Variants in LRRC1 observed in about 807,000 individuals in gnomAD.
The protein encoded by LRRC1 is leucine-rich repeat-containing protein 1.
Under a neutral mutation model 69.9 loss-of-function variants are expected in LRRC1, and 28 were observed. The observed-to-expected ratio is 0.40, with a 90% CI of 0.30 to 0.55. LRRC1 has a LOEUF of 0.55. Among genes scored for constraint, LRRC1 ranks in the 20% least tolerant of loss-of-function variants. The probability of loss-of-function intolerance (pLI) is 0.47; values close to 1 mark genes in which losing one functional copy is unlikely to be tolerated. For missense variants in LRRC1, 498 were observed against 609.0 expected (o/e 0.82, Z 1.92); for synonymous variants, 236 against 240.2 (o/e 0.98, Z 0.16).
intron 2 of LRRC1, among the ~76,000 whole-genome samples, chr6:53,852,466 T>C (rs1235120084): frequency 6.6e-6 from 1 of 152,170 alleles, no homozygotes; most frequent in Non-Finnish European, 1.5e-5. Context: ...ATGCCAGCCA[T>C]TGTCCTGCTT....
At chr6:53,837,164 ATTCT>A (rs1409347418) in intron 1 of LRRC1, among the ~76,000 whole-genome samples, 1 of 151,052 alleles carries the variant, frequency 6.6e-6, no homozygotes, top group Non-Finnish European at 1.5e-5. Context: ...ATTATAAATA[ATTCT>A]TTCAAGCACA....
rs1275223748 is a variant in LRRC1 at position 53,795,341 on chromosome 6, G to A, written c.85G>A (p.Glu29Lys). 6.2e-7 allele frequency: 1 copy of A among 1,613,710 alleles called. No individual in the cohort carries two copies. The highest frequency in any genetic ancestry group is 8.5e-7 in the Non-Finnish European group (1 of 1,179,950). Reference sequence around the variant, plus strand: ...CCACTGCTCGCTGGTCTACGTCCCCGAGGAGATCTACCGCTATGCCCGGAG... The same window carrying A: ...CCACTGCTCGCTGGTCTACGTCCCCAAGGAGATCTACCGCTATGCCCGGAG... ...KRHCSLVYVP[E>K]EIYRYARSLE... The change falls in exon 1 of 14, where the codon GAG (glutamate) becomes AAG (lysine). Residue 29 changes from glutamate to lysine, a missense_variant. By Grantham distance (56) the Glu-to-Lys change is moderately conservative (BLOSUM62 1). Around this residue, in one of 3 missense-constraint regions of LRRC1, gnomAD observed 70 missense variants for 62.1 expected, o/e 1.13. Transcript: ENST00000370888.
At chr6:53,830,882 A>G (rs1366601577) in intron 1 of LRRC1, among the ~76,000 whole-genome samples, 2 of 150,182 alleles carry the variant, frequency 1.3e-5, no homozygotes, top group Non-Finnish European at 3.0e-5. Context: ...ATGTTGGTGC[A>G]AAAGTAATTA....
At chr6:53,873,829 C>T (rs556803736) in intron 2 of LRRC1, among the ~76,000 whole-genome samples, 34 of 152,204 alleles carry the variant, frequency 2.2e-4, no homozygotes, top group African/African-American at 7.0e-4. Flanking sequence ...CTAGATCTTA[C>T]GAAAAAAGCT....
chr6:53,850,575 A>G (rs1467229140), intron 2 of LRRC1, among the ~76,000 whole-genome samples: 3 of 152,280 alleles, frequency 2.0e-5, no homozygotes, highest in Non-Finnish European at 4.4e-5. Context: ...ACAAAGCTAT[A>G]TGAATTGTCA....
At chr6:53,897,476 G>A (rs1767914460) in intron 7 of LRRC1, 117 bp downstream of exon 7, 5 of 659,716 alleles carry the variant, frequency 7.6e-6, no homozygotes, top group South Asian at 2.0e-5. Flanking sequence ...CAAAAACATT[G>A]ATTGAAAAGG....
At chr6:53,864,937 A>G (rs1337556205) in intron 2 of LRRC1, among the ~76,000 whole-genome samples, 2 of 152,092 alleles carry the variant, frequency 1.3e-5, no homozygotes, top group African/African-American at 4.8e-5. Context: ...TTTTCATTGG[A>G]AATAGAAATA....
At chr6:53,808,753 C>G (rs937120743) in intron 1 of LRRC1, among the ~76,000 whole-genome samples, 2 of 152,044 alleles carry the variant, frequency 1.3e-5, no homozygotes, top group African/African-American at 4.8e-5. Context: ...CCAAAAGCCA[C>G]CTGATGAGCC....
At chr6:53,844,207 A>G (rs930066286) in intron 2 of LRRC1, among the ~76,000 whole-genome samples, 3 of 151,958 alleles carry the variant, frequency 2.0e-5, no homozygotes, top group African/African-American at 7.2e-5. Context: ...CCTAGCAGTT[A>G]CCTAAGTTAT....
chr6:53,883,997 T>C (rs1247492244), intron 4 of LRRC1: 2 of 717,894 alleles, frequency 2.8e-6, no homozygotes, highest in African/African-American at 3.5e-5. Flanking sequence ...AGTTGGTGTT[T>C]TTCTGAAATG....
chr6:53,878,110 TATA>T lies in LRRC1; in HGVS notation c.278-878_278-876del, dbSNP rs1288277246. ...GAGCTTGTGCAGGAAAACTCCCCCTTATAATAACCATCAGGTCTCGTGAAACTT... is the reference window on the plus strand; with the variant it reads ...GAGCTTGTGCAGGAAAACTCCCCCTTATAACCATCAGGTCTCGTGAAACTT... On this transcript the variant is annotated intron_variant, in intron 2 of 13. Transcript: ENST00000370888. 2.3e-4 allele frequency among the ~76,000 whole-genome samples: 35 copies of T among 152,220 alleles called. No homozygotes were observed. The Middle Eastern group carries it at 0.02, about 89-fold the overall frequency.
intron 2 of LRRC1, among the ~76,000 whole-genome samples, chr6:53,876,633 A>G (rs1336833209): frequency 6.6e-6 from 1 of 152,174 alleles, no homozygotes; most frequent in Non-Finnish European, 1.5e-5. Context: ...GGCCAAAACA[A>G]AGGAGCTGCA....
chr6:53,904,983 C>T (rs2127438573), intron 10 of LRRC1: 1 of 152,622 alleles, frequency 6.6e-6, no homozygotes, highest in Non-Finnish European at 1.5e-5. Context: ...AAGCTAAAGC[C>T]AGCTTCCTAG....
At chr6:53,919,762 T>C in intron 12 of LRRC1, 92 bp downstream of exon 12, 1 of 1,203,762 alleles carries the variant, frequency 8.3e-7, no homozygotes, top group Non-Finnish European at 1.2e-6. Flanking sequence ...CTCATGTGAT[T>C]GTGTTATATC....
chr6:53,873,022 G>C (rs958610973), intron 2 of LRRC1, among the ~76,000 whole-genome samples: 3 of 151,972 alleles, frequency 2.0e-5, no homozygotes, highest in African/African-American at 7.2e-5. Flanking sequence ...CTCCCAAAGT[G>C]CTGGGATTGC....
At chr6:53,796,843 T>C (rs1328731136) in intron 1 of LRRC1, among the ~76,000 whole-genome samples, 1 of 152,180 alleles carries the variant, frequency 6.6e-6, no homozygotes, top group Non-Finnish European at 1.5e-5. Context: ...TTTCTGGCCT[T>C]TTACGTCCTT....
At chr6:53,834,017 T>C (rs1765537749) in intron 1 of LRRC1, among the ~76,000 whole-genome samples, 1 of 152,206 alleles carries the variant, frequency 6.6e-6, no homozygotes, top group Non-Finnish European at 1.5e-5. Flanking sequence ...CTTTTGAGTT[T>C]CTCCAGGACT....
intron 2 of LRRC1, among the ~76,000 whole-genome samples, chr6:53,848,183 G>C (rs1424311546): frequency 6.6e-6 from 1 of 152,146 alleles, no homozygotes; most frequent in Non-Finnish European, 1.5e-5. Context: ...GTGCTGGCTG[G>C]GCAGTGTTGA....
chr6:53,865,951 A>T (rs1766689935), intron 2 of LRRC1, among the ~76,000 whole-genome samples: 1 of 152,054 alleles, frequency 6.6e-6, no homozygotes, highest in Non-Finnish European at 1.5e-5. Flanking sequence ...CGACCTCCTG[A>T]CATTGTGATT....
Sources: gnomAD v4.1 joint callset for allele counts (sites outside exome capture counted in the v4.1 genomes callset) on GRCh38, gnomAD v4.1.1 for gene constraint, gnomAD v4.1.1 regional missense constraint, MANE v1.5 for transcripts, NCBI Gene and HGNC (gene_info 2026-07-23, HGNC 2026-07-21) for gene names.